CNOT2: variants seen among roughly 807,000 people sequenced by gnomAD.
CNOT2 encodes CCR4-NOT transcription complex subunit 2, also known as CC chemokine receptor 4-negative regulator of transcription 2.
CNOT2 carries 7 observed loss-of-function variants against 72.1 expected under a neutral mutation model. That is an observed-to-expected ratio of 0.10 (90% CI 0.06 to 0.18). The LOEUF (loss-of-function observed/expected upper bound fraction) is 0.18. CNOT2 is among the 10% of genes least tolerant of loss of function. CNOT2 has a pLI of 1.00. For synonymous variants in CNOT2, 196 were observed against 225.6 expected (o/e 0.87, Z 1.17); for missense variants, 345 against 660.3 (o/e 0.52, Z 5.23).
At chr12:70,317,611 ATTT>A (rs529433652) in intron 3 of CNOT2, among the ~76,000 whole-genome samples, 169 of 105,440 alleles carry the variant, frequency 1.6e-3, no homozygotes, top group African/African-American at 5.0e-3. Context: ...ATAAGGTTTG[ATTT>A]TTTTTTTTTT....
At chr12:70,243,827 C>CAG (rs2135667647) in intron 1 of CNOT2, 1 of 152,274 alleles carries the variant, frequency 6.6e-6, no homozygotes, top group East Asian at 1.9e-4. Context: ...GGGGCTTCCC[C>CAG]AGACTCCACT....
At chr12:70,247,166 T>G (rs1449333900) in intron 1 of CNOT2, among the ~76,000 whole-genome samples, 1 of 151,932 alleles carries the variant, frequency 6.6e-6, no homozygotes, top group Non-Finnish European at 1.5e-5. Context: ...TTTTCCTTAT[T>G]CTTTTTTTTT....
intron 2 of CNOT2, among the ~76,000 whole-genome samples, chr12:70,308,584 T>TCTCACACACA (rs550679130): frequency 1.3e-4 from 17 of 133,326 alleles, no homozygotes; most frequent in African/African-American, 8.5e-5. Flanking sequence ...TCTCTCTCTC[T>TCTCACACACA]CACACACACA....
intron 8 of CNOT2, 63 bp from the exon 9 acceptor site, chr12:70,337,326 A>G: frequency 7.0e-7 from 1 of 1,437,006 alleles, no homozygotes; most frequent in Non-Finnish European, 9.7e-7. Context: ...AGTTAACTTT[A>G]TAATCTGTAG....
chr12:70,245,532 A>T (rs1449033586), intron 1 of CNOT2, among the ~76,000 whole-genome samples: 1 of 152,152 alleles, frequency 6.6e-6, no homozygotes, highest in Non-Finnish European at 1.5e-5. Context: ...TCTGTAACCT[A>T]ATCTGATCTC....
intron 1 of CNOT2, among the ~76,000 whole-genome samples, chr12:70,244,672 A>G (rs565911352): frequency 1.5e-4 from 23 of 152,296 alleles, no homozygotes; most frequent in African/African-American, 5.5e-4. Context: ...TTTCATTTTC[A>G]TAAAAGTCTT....
intron 11 of CNOT2, among the ~76,000 whole-genome samples, chr12:70,340,759 G>A (rs933882105): frequency 3.3e-5 from 5 of 151,998 alleles, no homozygotes; most frequent in African/African-American, 1.2e-4. Context: ...GGGGGTCCCT[G>A]ATTGTCCTTA....
chr12:70,254,243 A>G (rs1958304778), intron 1 of CNOT2, among the ~76,000 whole-genome samples: 1 of 151,862 alleles, frequency 6.6e-6, no homozygotes, highest in South Asian at 2.1e-4. Flanking sequence ...GTCTCAAAAA[A>G]AAAAAAAAAA....
chr12:70,295,760 G>A (rs1872711638), intron 2 of CNOT2, among the ~76,000 whole-genome samples: 1 of 151,938 alleles, frequency 6.6e-6, no homozygotes, highest in East Asian at 1.9e-4. Flanking sequence ...TTTTCCTATG[G>A]ATTAGCACTT....
At chr12:70,301,389 T>C (rs1008998249) in intron 2 of CNOT2, among the ~76,000 whole-genome samples, 4 of 152,184 alleles carry the variant, frequency 2.6e-5, no homozygotes, top group Non-Finnish European at 4.4e-5. Flanking sequence ...TTTTGAGATA[T>C]GTCCCATCAA....
chr12:70,350,813 A>T (rs909984002), intron 15 of CNOT2, among the ~76,000 whole-genome samples: 5 of 152,194 alleles, frequency 3.3e-5, no homozygotes, highest in African/African-American at 1.2e-4. Flanking sequence ...AATAAGCAAA[A>T]TCTCAGATAA....
chr12:70,326,797 CA>C (rs1159856695), intron 4 of CNOT2, among the ~76,000 whole-genome samples: 2 of 151,748 alleles, frequency 1.3e-5, no homozygotes, highest in Non-Finnish European at 2.9e-5. Context: ...ACTACTTCAA[CA>C]AAATTAAACT....
chr12:70,293,293 T>C (rs1872251618), intron 2 of CNOT2, among the ~76,000 whole-genome samples: 1 of 152,036 alleles, frequency 6.6e-6, no homozygotes, highest in South Asian at 2.1e-4. Context: ...CCCGAGTAGC[T>C]GGGGTTACAG....
At chr12:70,297,764 G>T in intron 2 of CNOT2, 2 of 368,244 alleles carry the variant, frequency 5.4e-6, no homozygotes, top group Non-Finnish European at 1.1e-5. Flanking sequence ...TTGAGACGTG[G>T]TCTCACTCTG....
intron 1 of CNOT2, among the ~76,000 whole-genome samples, chr12:70,248,355 G>A (rs1957983941): frequency 6.6e-6 from 1 of 152,126 alleles, no homozygotes; most frequent in Non-Finnish European, 1.5e-5. Context: ...AGCTCTGAAA[G>A]TTGATCATTT....
chr12:70,352,672 T>C (rs1417824144), intron 15 of CNOT2, among the ~76,000 whole-genome samples: 1 of 152,320 alleles, frequency 6.6e-6, no homozygotes, highest in East Asian at 1.9e-4. Context: ...ATGCAGTAAT[T>C]TGTGCTAATT....
chr12:70,338,416 T>C, intron 9 of CNOT2, 27 bp from the exon 10 acceptor site: 1 of 1,580,142 alleles, frequency 6.3e-7, no homozygotes. Flanking sequence ...CAAATTTTAA[T>C]GTCACATTTA....
chr12:70,245,219 A>G (rs1957822727), intron 1 of CNOT2, among the ~76,000 whole-genome samples: 1 of 152,184 alleles, frequency 6.6e-6, no homozygotes, highest in African/African-American at 2.4e-5. Context: ...TTTAGTTTGT[A>G]GTTCTATTAT....
intron 1 of CNOT2, among the ~76,000 whole-genome samples, chr12:70,265,307 TCTCTTCTCTTCTCTTC>T (rs1319547103): frequency 6.8e-6 from 1 of 146,442 alleles, no homozygotes; most frequent in Non-Finnish European, 1.5e-5. Flanking sequence ...TCTCTTCTCT[TCTCTTCTCTTCTCTTC>T]TCTTTCTTTC....
Sources: gnomAD v4.1 joint callset for allele counts (sites outside exome capture counted in the v4.1 genomes callset) on GRCh38, gnomAD v4.1.1 for gene constraint, MANE v1.5 for transcripts, NCBI Gene and HGNC (gene_info 2026-07-23, HGNC 2026-07-21) for gene names.